The following SPAG16 variants were observed in gnomAD, a reference collection of about 807,000 sequenced individuals.
SPAG16 encodes sperm associated antigen 16, also known as sperm-associated antigen 16 protein.
In SPAG16, 86 loss-of-function variants were observed where a neutral mutation model predicts 80.4. That is an observed-to-expected ratio of 1.07 (90% confidence interval 0.90 to 1.28). The LOEUF is 1.28. SPAG16 is among the 50% of genes most tolerant of loss of function. The probability of loss-of-function intolerance (pLI) is 0.00; values close to 1 mark genes in which losing one functional copy is unlikely to be tolerated. For synonymous variants in SPAG16, 294 were observed against 265.9 expected, an observed-to-expected ratio of 1.11 and a Z score of -1.03; for missense variants, 870 against 765.3, an observed-to-expected ratio of 1.14 and a Z score of -1.61.
At chr2:213,332,232 A>C (rs193034943) in intron 5 of SPAG16, among the ~76,000 whole-genome samples, 59 of 152,338 alleles carry the variant, frequency 3.9e-4, no homozygotes, top group African/African-American at 1.3e-3. Context: ...CAGAATTTCA[A>C]AGGATCATCA....
chr2:213,429,548 C>G (rs1206753961), intron 9 of SPAG16, among the ~76,000 whole-genome samples: 1 of 152,158 alleles, frequency 6.6e-6, no homozygotes, highest in African/African-American at 2.4e-5. Context: ...CCTACACAAT[C>G]CAATACAAAA....
intron 5 of SPAG16, among the ~76,000 whole-genome samples, chr2:213,333,229 A>G (rs2094116158): frequency 6.6e-6 from 1 of 152,166 alleles, no homozygotes; most frequent in South Asian, 2.1e-4. Context: ...ATAATCTGAA[A>G]AAGAAATTAG....
At chr2:213,397,810 A>G (rs2068117627) in intron 9 of SPAG16, among the ~76,000 whole-genome samples, 3 of 152,128 alleles carry the variant, frequency 2.0e-5, no homozygotes, top group African/African-American at 7.2e-5. Context: ...TTCACTCCCT[A>G]GGTGATCTCA....
At chr2:214,028,291 G>A (rs2048236942) in intron 13 of SPAG16, among the ~76,000 whole-genome samples, 1 of 152,010 alleles carries the variant, frequency 6.6e-6, no homozygotes. Context: ...TAGGCTCATA[G>A]AGTTTGAATC....
intron 15 of SPAG16, among the ~76,000 whole-genome samples, chr2:214,354,873 T>G (rs990624552): frequency 2.8e-4 from 42 of 152,282 alleles, no homozygotes; most frequent in South Asian, 4.1e-4. Context: ...TTGCTGAAGT[T>G]GCTTCTCAGC....
intron 15 of SPAG16, among the ~76,000 whole-genome samples, chr2:214,345,609 C>A (rs1158702806): frequency 2.0e-5 from 3 of 152,050 alleles, no homozygotes; most frequent in African/African-American, 7.2e-5. Flanking sequence ...TAATTTATAA[C>A]ATAAATATAC....
intron 10 of SPAG16, among the ~76,000 whole-genome samples, chr2:213,859,993 TTGATGATGATGA>T (rs112613257): frequency 1.3e-5 from 2 of 150,556 alleles, no homozygotes; most frequent in Non-Finnish European, 3.0e-5. Flanking sequence ...TTACCATTAG[TTGATGATGATGA>T]TGATGATGAT....
chr2:213,350,845 C>T (rs1172801710), intron 7 of SPAG16, among the ~76,000 whole-genome samples, 200 bp downstream of exon 7: 1 of 151,900 alleles, frequency 6.6e-6, no homozygotes, highest in Non-Finnish European at 1.5e-5. Flanking sequence ...AAAATTAGGC[C>T]AGGGGCAGTG....
rs376606718 is a variant in SPAG16 at position 213,429,594 on chromosome 2, A to T, written c.942+54475A>T. 4.5e-4 allele frequency among the ~76,000 whole-genome samples: 68 copies of T among 152,332 alleles called. 1 individual carries two copies. In the South Asian group the frequency reaches 0.013, roughly 30 times the overall value. On this transcript the variant is annotated intron_variant, in intron 9 of 15. Transcript: ENST00000331683. ...GAAGTGCATAGCATTTGGAAACAAG[A>T]TAAGTTTCACATAACATTTGCTACC...
At chr2:213,487,459 G>C (rs1031658703) in intron 9 of SPAG16, among the ~76,000 whole-genome samples, 7 of 151,894 alleles carry the variant, frequency 4.6e-5, no homozygotes, top group Admixed American at 4.6e-4. Flanking sequence ...CACTGATCCT[G>C]CCTACCCATG....
chr2:213,636,072 A>G (rs1005094621), intron 10 of SPAG16, among the ~76,000 whole-genome samples: 64 of 152,082 alleles, frequency 4.2e-4, no homozygotes, highest in African/African-American at 1.5e-3. Flanking sequence ...TGAAATTTTT[A>G]TGGTTTCTGG....
At chr2:214,251,985 T>C (rs1690323728) in intron 15 of SPAG16, among the ~76,000 whole-genome samples, 1 of 152,132 alleles carries the variant, frequency 6.6e-6, no homozygotes, top group East Asian at 1.9e-4. Flanking sequence ...ATTGATCTGA[T>C]GCTTTGAATA....
At chr2:213,625,529 T>C (rs1254353119) in intron 10 of SPAG16, among the ~76,000 whole-genome samples, 1 of 152,222 alleles carries the variant, frequency 6.6e-6, no homozygotes, top group Non-Finnish European at 1.5e-5. Context: ...ATTTTACAGG[T>C]CAAATTCCAA....
At chr2:213,610,797 GCT>G (rs2061418397) in intron 10 of SPAG16, among the ~76,000 whole-genome samples, 1 of 152,198 alleles carries the variant, frequency 6.6e-6, no homozygotes, top group Admixed American at 6.5e-5. Context: ...GAGGAGATGT[GCT>G]CTGTTACAAG....
chr2:213,847,882 C>G (rs1044341410), intron 10 of SPAG16, among the ~76,000 whole-genome samples: 4 of 151,990 alleles, frequency 2.6e-5, no homozygotes, highest in South Asian at 2.1e-4. Context: ...CACACACACA[C>G]ACAGACATAT....
At chr2:213,577,476 T>TTCCC (rs1231384900) in intron 10 of SPAG16, among the ~76,000 whole-genome samples, 5 of 152,134 alleles carry the variant, frequency 3.3e-5, no homozygotes, top group Non-Finnish European at 5.9e-5. Flanking sequence ...CCTAATCCTC[T>TTCCC]TCCCTCCGTT....
At chr2:214,360,268 A>G (rs1032231763) in intron 15 of SPAG16, among the ~76,000 whole-genome samples, 4 of 151,856 alleles carry the variant, frequency 2.6e-5, no homozygotes, top group African/African-American at 9.7e-5. Flanking sequence ...TTTAACATAT[A>G]TTGGAATATT....
intron 14 of SPAG16, among the ~76,000 whole-genome samples, chr2:214,129,225 C>A (rs1005955869): frequency 1.3e-5 from 2 of 152,116 alleles, no homozygotes; most frequent in Non-Finnish European, 2.9e-5. Flanking sequence ...CCTTGGCATC[C>A]CTGGACCCTC....
chr2:213,952,767 G>T (rs1365054846), intron 12 of SPAG16, among the ~76,000 whole-genome samples: 1 of 152,046 alleles, frequency 6.6e-6, no homozygotes, highest in East Asian at 1.9e-4. Context: ...TCCCCTTAAG[G>T]ATAATTTGGA....
Sources: allele counts gnomAD v4.1 joint callset (sites outside exome capture counted in the v4.1 genomes callset), GRCh38; gene constraint gnomAD v4.1.1; transcripts MANE v1.5; gene names NCBI Gene and HGNC (gene_info 2026-07-23, HGNC 2026-07-21).